GABRB3: variants seen among roughly 807,000 people sequenced by gnomAD.
GABRB3 encodes the protein gamma-aminobutyric acid type A receptor subunit beta3.
A neutral mutation model predicts 52.1 loss-of-function variants in GABRB3; 14 were observed. The observed-to-expected ratio is 0.27, with a 90% CI of 0.18 to 0.42. The LOEUF (loss-of-function observed/expected upper bound fraction) is 0.42, where lower values mean the gene tolerates loss of function less well. Among genes scored for constraint, GABRB3 ranks in the 10% least tolerant of loss-of-function variants. The probability of loss-of-function intolerance (pLI) is 1.00; values close to 1 mark genes in which losing one functional copy is unlikely to be tolerated. For missense variants in GABRB3, 307 were observed against 609.1 expected (o/e 0.50, Z 5.22); for synonymous variants, 260 against 232.3 (o/e 1.12, Z -1.08).
chr15:26,595,101 T>C (rs946503110), intron 4 of GABRB3, among the ~76,000 whole-genome samples: 1 of 152,184 alleles, frequency 6.6e-6, no homozygotes, highest in African/African-American at 2.4e-5. Flanking sequence ...CATCCCAGCT[T>C]CTCTTTTGAG....
Position 26,634,885 on chromosome 15 carries a change from G to T in GABRB3, c.241-13351C>A, listed in dbSNP as rs573118534. 7.3e-4 allele frequency among the ~76,000 whole-genome samples: 99 copies of T among 135,396 alleles called. 1 individual carries two copies. Among genetic ancestry groups the T allele is most frequent in the African/African-American group, 2.4e-3 (91 of 37,834 alleles). The allele number at this position is 135,396 out of a possible 152,430, so 88.8% of individuals were successfully genotyped here. A position where few individuals can be genotyped will look rare whatever the true frequency, so the allele number is the denominator to read the frequency against. ...ATATATACACACATATTTATAGAGA[G>T]AAAAAACTTTAAAAATTATATATAT... On this transcript the variant is annotated intron_variant, in intron 3 of 8. Transcript: ENST00000311550.
At chr15:26,624,229 C>G in intron 3 of GABRB3, 1 of 985,616 alleles carries the variant, frequency 1.0e-6, no homozygotes, top group Non-Finnish European at 1.2e-6. Flanking sequence ...GTGGGCGGTG[C>G]GCTGGAACTG....
chr15:26,713,442 C>T (rs1393480255), intron 3 of GABRB3, among the ~76,000 whole-genome samples: 1 of 151,962 alleles, frequency 6.6e-6, no homozygotes, highest in Non-Finnish European at 1.5e-5. Flanking sequence ...GCAGCTCAGT[C>T]GCCTGGTGCC....
At position 26,765,447 on chromosome 15, in the gene GABRB3, A is replaced by G. The variant is rs183257077; in HGVS notation, c.240+6955T>C. 9.2e-5 allele frequency among the ~76,000 whole-genome samples: 14 copies of G among 151,730 alleles called. No homozygotes were observed. In the East Asian group the frequency reaches 2.1e-3, roughly 23 times the overall value. On this transcript the variant is annotated intron_variant, in intron 3 of 8. Coordinates refer to ENST00000311550, the MANE Select transcript of GABRB3 (RefSeq NM_000814.6). ...AAATTATGGTTGAATTATGTCCTCTAAAGTAAACACTGTATACATCACATT... is the reference window on the plus strand; with the variant it reads ...AAATTATGGTTGAATTATGTCCTCTGAAGTAAACACTGTATACATCACATT...
In GABRB3 at chr15:26,738,365, G is replaced by T. The variant is rs191112378; in HGVS notation, c.240+34037C>A. Among the ~76,000 whole-genome samples, 11 of 152,296 alleles carry T rather than the reference G, an allele frequency of 7.2e-5. No individual in the cohort carries two copies. In the East Asian group the frequency reaches 1.9e-3, roughly 27 times the overall value. ...CCCAAAATGCTGGGATTACAGGCAT[G>T]AGCCACAGCACCCGTCCAGTCTTGG... On this transcript the variant is annotated intron_variant, in intron 3 of 8. Coordinates refer to ENST00000311550, the MANE Select transcript of GABRB3 (RefSeq NM_000814.6).
At chr15:26,719,041 C>G (rs1889575028) in intron 3 of GABRB3, among the ~76,000 whole-genome samples, 1 of 152,266 alleles carries the variant, frequency 6.6e-6, no homozygotes, top group Admixed American at 6.5e-5. Flanking sequence ...CCACCGCCAC[C>G]TGGCAAGTGG....
At chr15:26,585,728 G>C (rs1334049384) in intron 4 of GABRB3, among the ~76,000 whole-genome samples, 1 of 152,168 alleles carries the variant, frequency 6.6e-6, no homozygotes, top group African/African-American at 2.4e-5. Context: ...CTTATCCATG[G>C]AGTCAAGGAG....
At position 26,545,158 on chromosome 15, in the gene GABRB3, AGTTTTTTTTT is replaced by A. The variant is rs929397821; in HGVS notation, c.*2625_*2634del. ...AAACACATACCCAAGGATCTTAAAA[AGTTTTTTTTT>A]GTTTTTACAGAATATATGTATGTAT... On this transcript the variant is annotated 3_prime_UTR_variant, in exon 9 of 9. Transcript: ENST00000311550. 1.2e-4 allele frequency: 19 copies of A among 152,292 alleles called. No individual in the cohort carries two copies. Among genetic ancestry groups the A allele is most frequent in the African/African-American group, 4.4e-4 (18 of 41,278 alleles). The allele number at this position is 152,292 out of a possible 1,614,324, so 9.4% of individuals were successfully genotyped here.
intron 3 of GABRB3, among the ~76,000 whole-genome samples, chr15:26,655,391 T>A (rs1175825021): frequency 6.6e-6 from 1 of 152,178 alleles, no homozygotes; most frequent in Non-Finnish European, 1.5e-5. Context: ...ACATTATTAT[T>A]TTGTAGGATG....
intron 3 of GABRB3, among the ~76,000 whole-genome samples, chr15:26,744,880 A>G (rs1214773039): frequency 6.6e-6 from 1 of 152,204 alleles, no homozygotes; most frequent in Non-Finnish European, 1.5e-5. Flanking sequence ...TGTGTATTAA[A>G]CCATTTTTGC....
intron 4 of GABRB3, among the ~76,000 whole-genome samples, chr15:26,588,010 G>A (rs1266860357): frequency 1.3e-5 from 2 of 151,950 alleles, no homozygotes; most frequent in East Asian, 1.9e-4. Context: ...TCTTTCGATT[G>A]TTTATTTTTT....
In GABRB3 at chr15:26,621,514, A is replaced by G; in HGVS notation, c.261T>C (p.Tyr87=). 1 of 1,613,386 alleles carries G rather than the reference A, an allele frequency of 6.2e-7. No homozygotes were observed. The highest frequency in any genetic ancestry group is 1.1e-5 in the South Asian group (1 of 91,070). The change falls in exon 4 of 9, where the codon TAT becomes TAC. Residue 87 remains tyrosine, a synonymous_variant. Coordinates refer to ENST00000311550, the MANE Select transcript of GABRB3 (RefSeq NM_000814.6). The surrounding 1 kb of genome is among the most constrained non-coding windows in gnomAD (Gnocchi z 4.1). ...TTTTATCTCTCCAATATTGTTGAAA[A>G]TACATGGTTAAGGTATAATCCTGGG... The part of the protein sequence containing the change: ...EVNMDYTLTM[Y]FQQYWRDKRL...
chr15:26,623,777 T>G (rs1484047783), intron 3 of GABRB3, among the ~76,000 whole-genome samples: 2 of 152,078 alleles, frequency 1.3e-5, no homozygotes, highest in African/African-American at 2.4e-5. Flanking sequence ...ATTCTGAGCC[T>G]GCACACCCCG....
intron 8 of GABRB3, among the ~76,000 whole-genome samples, chr15:26,549,483 C>T (rs1413077671): frequency 6.6e-6 from 1 of 152,108 alleles, no homozygotes; most frequent in African/African-American, 2.4e-5. Flanking sequence ...CTTCATTATG[C>T]TTGGGGAAAG....
chr15:26,650,337 A>G (rs7180402), intron 3 of GABRB3, among the ~76,000 whole-genome samples: 57,302 of 151,848 alleles, frequency 0.38, 12,105 homozygotes, highest in East Asian at 0.83. Context: ...CCCCATCTGA[A>G]CAGTGAAGGA....
rs76535910 is a variant in GABRB3, at chr15:26,729,372, G to A, written c.240+43030C>T. 6.2e-3 allele frequency among the ~76,000 whole-genome samples: 943 copies of A among 152,146 alleles called. 9 individuals are homozygous for A. Among genetic ancestry groups the A allele is most frequent in the African/African-American group, 0.022 (897 of 41,502 alleles). On this transcript the variant is annotated intron_variant, in intron 3 of 8. Transcript: ENST00000311550. ...CCCCTCCACCTTCCCCCTCCTTGGA[G>A]GCTCCTGAACCCAAGAAGGCTGGGG...
intron 3 of GABRB3, among the ~76,000 whole-genome samples, chr15:26,755,783 T>C (rs981458704): frequency 6.6e-5 from 10 of 152,214 alleles, no homozygotes; most frequent in African/African-American, 2.4e-4. Context: ...GACTCAGTAA[T>C]CTTATTTAAT....
At chr15:26,580,176 A>G in intron 6 of GABRB3, 143 bp downstream of exon 6, 1 of 960,556 alleles carries the variant, frequency 1.0e-6, no homozygotes, top group Non-Finnish European at 1.6e-6. Context: ...TACAGAGAGG[A>G]GGGGTGTGTG....
At position 26,694,341 on chromosome 15, in the gene GABRB3, T is replaced by C. The variant is rs547163254; in HGVS notation, c.241-72807A>G. On this transcript the variant is annotated intron_variant, in intron 3 of 8. Transcript: ENST00000311550. ...CACAGACTTACTAAAAACTGTGACCTAATCACAGAAATATAAAATACTTCT... is the reference window on the plus strand; with the variant it reads ...CACAGACTTACTAAAAACTGTGACCCAATCACAGAAATATAAAATACTTCT... 6.6e-5 allele frequency among the ~76,000 whole-genome samples: 10 copies of C among 152,278 alleles called. No homozygotes were observed. The South Asian group carries it at 2.1e-3, about 32-fold the overall frequency.
Sources: gnomAD v4.1 joint callset for allele counts (sites outside exome capture counted in the v4.1 genomes callset) on GRCh38, gnomAD v4.1.1 for gene constraint, Gnocchi (gnomAD v3.1) non-coding constraint, MANE v1.5 for transcripts, NCBI Gene and HGNC (gene_info 2026-07-23, HGNC 2026-07-21) for gene names.